GLIS3: variants seen among roughly 807,000 people sequenced by gnomAD.
GLIS3 encodes the protein zinc finger protein GLIS3.
In GLIS3, 53 loss-of-function variants were observed where a neutral mutation model predicts 78.6. The observed-to-expected ratio is 0.67, with a 90% confidence interval of 0.54 to 0.85. The LOEUF (loss-of-function observed/expected upper bound fraction) is 0.85, where lower values mean the gene tolerates loss of function less well. Ranked by LOEUF, GLIS3 falls within the 40% of genes least tolerant of loss-of-function variation. The pLI, the probability that GLIS3 is intolerant of heterozygous loss-of-function variation, is 0.00. For missense variants in GLIS3, 1,703 were observed against 1,231.1 expected, an observed-to-expected ratio of 1.38 and a Z score of -5.74; for synonymous variants, 684 against 509.9, an observed-to-expected ratio of 1.34 and a Z score of -4.60.
chr9:3,859,854 C>G (rs10448171), intron 8 of GLIS3, among the ~76,000 whole-genome samples: 1 of 152,142 alleles, frequency 6.6e-6, no homozygotes, highest in South Asian at 2.1e-4. Flanking sequence ...CGCACAAAAG[C>G]TAACCAGATA....
chr9:4,326,774 A>C (rs1817606365), intron 2 of GLIS3, among the ~76,000 whole-genome samples: 1 of 152,136 alleles, frequency 6.6e-6, no homozygotes. Flanking sequence ...AGAATTGGAA[A>C]CATAGGCTGG....
rs750454441 is a variant in GLIS3, at chr9:3,965,188, C to CTTTTTTTTTTTTTTTTT, written c.1711-28000_1711-27999insAAAAAAAAAAAAAAAAA. Among the ~76,000 whole-genome samples, 21 of 98,990 alleles carry CTTTTTTTTTTTTTTTTT rather than the reference C, an allele frequency of 2.1e-4. 2 individuals carry two copies. Among genetic ancestry groups the CTTTTTTTTTTTTTTTTT allele is most frequent in the East Asian group, 3.0e-4 (1 of 3,296 alleles). The allele number at this position is 98,990 out of a possible 152,430, so 64.9% of individuals were successfully genotyped here. On this transcript the variant is annotated intron_variant, in intron 4 of 10. Coordinates refer to ENST00000381971, the MANE Select transcript of GLIS3 (RefSeq NM_001042413.2). ...TACTTCTTTTCTATTTCTTTCTTTT[C>CTTTTTTTTTTTTTTTTT]TTTTCTTTTTTTTTTTTTTTTTTTG... is the stretch of plus-strand genomic sequence containing the variant.
intron 4 of GLIS3, among the ~76,000 whole-genome samples, chr9:4,025,144 C>T (rs568207533): frequency 5.3e-5 from 8 of 151,972 alleles, no homozygotes; most frequent in South Asian, 2.1e-4. Context: ...CCTCGCTACT[C>T]GGGAGGCTGA....
At position 3,946,395 on chromosome 9, in the gene GLIS3, T is replaced by C. The variant is rs74362764; in HGVS notation, c.1711-9206A>G. 5.4e-4 allele frequency among the ~76,000 whole-genome samples: 82 copies of C among 152,366 alleles called. 1 individual carries two copies. In the East Asian group the frequency reaches 0.014, roughly 26 times the overall value. On this transcript the variant is annotated intron_variant, in intron 4 of 10. Coordinates refer to ENST00000381971, the MANE Select transcript of GLIS3 (RefSeq NM_001042413.2). ...ATGCATATTGATTGCCTAGACTTCCTTGTGTAGTAAGCTCATTAAGGCTTT... is the reference window on the plus strand; with the variant it reads ...ATGCATATTGATTGCCTAGACTTCCCTGTGTAGTAAGCTCATTAAGGCTTT...
At chr9:4,165,622 C>T (rs185474633) in intron 2 of GLIS3, among the ~76,000 whole-genome samples, 2 of 152,340 alleles carry the variant, frequency 1.3e-5, no homozygotes, top group East Asian at 3.9e-4. Context: ...TTCCAGAATT[C>T]CTGCTCCGGG....
chr9:4,232,780 T>C (rs1822388829), intron 2 of GLIS3, among the ~76,000 whole-genome samples: 1 of 152,208 alleles, frequency 6.6e-6, no homozygotes, highest in Non-Finnish European at 1.5e-5. Flanking sequence ...TTCCTATTCT[T>C]TGTTTTTCCT....
intron 2 of GLIS3, among the ~76,000 whole-genome samples, chr9:4,135,461 A>G (rs944042173): frequency 6.6e-5 from 10 of 152,128 alleles, no homozygotes; most frequent in African/African-American, 2.4e-4. Context: ...ATTGACCCCT[A>G]TATTCTTGAG....
At chr9:4,399,821 T>TA in the GLIS3 span, among the ~76,000 whole-genome samples, 1 of 152,296 alleles carries the variant, frequency 6.6e-6, no homozygotes, top group Middle Eastern at 3.4e-3. Context: ...GGCATGAGGT[T>TA]AAGTTTACTT....
At chr9:3,923,559 C>T (rs1825034904) in intron 6 of GLIS3, among the ~76,000 whole-genome samples, 1 of 144,050 alleles carries the variant, frequency 6.9e-6, no homozygotes, top group African/African-American at 2.6e-5. Flanking sequence ...CAGTAGAGCC[C>T]ATGTGCAAGT....
intron 4 of GLIS3, among the ~76,000 whole-genome samples, chr9:3,991,329 C>CA (rs763669087): frequency 1.3e-5 from 2 of 149,502 alleles, no homozygotes; most frequent in Non-Finnish European, 3.0e-5. Flanking sequence ...AATGAAGATA[C>CA]AAAAAAACAA....
the GLIS3 span, among the ~76,000 whole-genome samples, chr9:4,393,897 A>G: frequency 6.6e-6 from 1 of 152,162 alleles, no homozygotes; most frequent in African/African-American, 2.4e-5. Flanking sequence ...ACCGCCAGTA[A>G]TATAATGATC....
At chr9:3,929,153 G>A (rs896626244) in intron 6 of GLIS3, among the ~76,000 whole-genome samples, 1 of 152,136 alleles carries the variant, frequency 6.6e-6, no homozygotes, top group East Asian at 1.9e-4. Context: ...GGTGACTTGA[G>A]TATTTCGCTA....
chr9:4,428,762 C>T, the GLIS3 span, among the ~76,000 whole-genome samples: 2 of 152,124 alleles, frequency 1.3e-5, no homozygotes, highest in East Asian at 1.9e-4. Flanking sequence ...TCTATAGAGA[C>T]ATTGAGAGAC....
intron 2 of GLIS3, among the ~76,000 whole-genome samples, chr9:4,127,228 A>G (rs1167203975): frequency 6.6e-6 from 1 of 152,222 alleles, no homozygotes; most frequent in South Asian, 2.1e-4. Flanking sequence ...GACCTGCACA[A>G]AATCACACAG....
chr9:4,363,975 G>C, the GLIS3 span, among the ~76,000 whole-genome samples: 1 of 152,170 alleles, frequency 6.6e-6, no homozygotes. Flanking sequence ...TCAAGAGTTC[G>C]CAATCTTTGG....
intron 2 of GLIS3, among the ~76,000 whole-genome samples, chr9:4,274,921 A>G (rs1170763020): frequency 6.6e-6 from 1 of 152,218 alleles, no homozygotes; most frequent in Non-Finnish European, 1.5e-5. Flanking sequence ...CCTACACCAC[A>G]AGTTGCATTT....
intron 2 of GLIS3, among the ~76,000 whole-genome samples, chr9:4,201,657 A>G (rs544598195): frequency 1.3e-5 from 2 of 152,262 alleles, no homozygotes; most frequent in East Asian, 3.9e-4. Flanking sequence ...AACAAGAACT[A>G]CAAAAAACAC....
At chr9:3,834,476 T>C (rs976416247) in intron 9 of GLIS3, among the ~76,000 whole-genome samples, 2 of 152,224 alleles carry the variant, frequency 1.3e-5, no homozygotes, top group South Asian at 4.1e-4. Context: ...TTAAATTTTA[T>C]TGAATTTTAA....
intron 4 of GLIS3, among the ~76,000 whole-genome samples, chr9:4,069,931 T>A (rs926909800): frequency 6.6e-6 from 1 of 151,974 alleles, no homozygotes; most frequent in Non-Finnish European, 1.5e-5. Flanking sequence ...AAGATAAGCT[T>A]TGGACATTCT....
Sources: gnomAD v4.1 joint callset for allele counts (sites outside exome capture counted in the v4.1 genomes callset) on GRCh38, gnomAD v4.1.1 for gene constraint, MANE v1.5 for transcripts, NCBI Gene and HGNC (gene_info 2026-07-23, HGNC 2026-07-21) for gene names.